The following NAALADL2 variants were observed in gnomAD, a reference collection of about 807,000 sequenced individuals.
NAALADL2 encodes inactive N-acetylated-alpha-linked acidic dipeptidase-like protein 2.
In NAALADL2, 76 loss-of-function variants were observed where a neutral mutation model predicts 87.2. That is an observed-to-expected ratio of 0.87 (90% CI 0.72 to 1.05). NAALADL2 has a LOEUF of 1.05. NAALADL2 is among the 50% of genes least tolerant of loss of function. The pLI is 0.00. For synonymous variants in NAALADL2, 354 were observed against 331.0 expected (o/e 1.07, Z -0.75); for missense variants, 1,089 against 945.8 (o/e 1.15, Z -1.99).
At chr3:175,487,879 C>T (rs1727530890) in intron 9 of NAALADL2, among the ~76,000 whole-genome samples, 1 of 152,134 alleles carries the variant, frequency 6.6e-6, no homozygotes, top group South Asian at 2.1e-4. Flanking sequence ...GCTAGAAATG[C>T]ATGTTTTTAA....
intron 3 of NAALADL2, among the ~76,000 whole-genome samples, chr3:174,797,667 A>G (rs1033522011): frequency 2.6e-5 from 4 of 152,012 alleles, no homozygotes; most frequent in African/African-American, 9.7e-5. Context: ...TGCTTAGGCA[A>G]TTTTGTTTCT....
At chr3:174,692,620 T>C (rs1263969515) in intron 2 of NAALADL2, among the ~76,000 whole-genome samples, 2 of 152,020 alleles carry the variant, frequency 1.3e-5, no homozygotes, top group African/African-American at 4.8e-5. Flanking sequence ...ATTTCTGAGA[T>C]ACTAAGGGTA....
chr3:175,744,495 A>G (rs1745662412), intron 12 of NAALADL2, among the ~76,000 whole-genome samples: 1 of 152,244 alleles, frequency 6.6e-6, no homozygotes, highest in Non-Finnish European at 1.5e-5. Flanking sequence ...TAGAAAAAAC[A>G]AGCAAAGCAA....
chr3:175,790,987 G>C (rs1209631498), intron 13 of NAALADL2, among the ~76,000 whole-genome samples: 1 of 152,162 alleles, frequency 6.6e-6, no homozygotes, highest in Non-Finnish European at 1.5e-5. Flanking sequence ...TCATGCATTA[G>C]GTTTCTGTTA....
chr3:174,462,077 A>AATATT (rs1304083668), intron 1 of NAALADL2, among the ~76,000 whole-genome samples: 1 of 109,070 alleles, frequency 9.2e-6, no homozygotes, highest in African/African-American at 3.7e-5. Flanking sequence ...TCTTATTTTT[A>AATATT]ATATTTGAAA....
chr3:175,755,376 A>G lies in NAALADL2; in HGVS notation c.2147A>G (p.Glu716Gly), dbSNP rs1401864681. 1 of 1,609,596 alleles carries G rather than the reference A, an allele frequency of 6.2e-7. No individual in the cohort carries two copies. Among genetic ancestry groups the G allele is most frequent in the Admixed American group, 1.7e-5 (1 of 59,452 alleles). Residue 716 changes from glutamate (E) to glycine (G), a missense_variant, in exon 13 of 14, where the codon GAG (glutamate) becomes GGG (glycine). Transcript: ENST00000454872. ...RMLNDILQDM[E>G]KSFLVKQAPP... ...CTGAATGACATTCTCCAAGACATGG[A>G]GAAAAGCTTTCTGGTAAAGCAGGCA... is the stretch of plus-strand genomic sequence containing the variant.
intron 2 of NAALADL2, among the ~76,000 whole-genome samples, chr3:174,564,783 T>C (rs984980988): frequency 6.6e-6 from 1 of 152,104 alleles, no homozygotes; most frequent in Non-Finnish European, 1.5e-5. Context: ...TTATATCTTG[T>C]CTGAAATGTA....
intron 3 of NAALADL2, among the ~76,000 whole-genome samples, chr3:175,256,171 AAG>A (rs1051006746): frequency 1.3e-5 from 2 of 152,126 alleles, no homozygotes; most frequent in Non-Finnish European, 2.9e-5. Flanking sequence ...AATTTTTTAG[AAG>A]AGAGAGAGAG....
In NAALADL2 at chr3:175,318,302, C is replaced by T. The variant is rs1373801332; in HGVS notation, c.940-5873C>T. On this transcript the variant is annotated intron_variant, in intron 4 of 13. Coordinates refer to ENST00000454872, the MANE Select transcript of NAALADL2 (RefSeq NM_207015.3). ...AGTGTACGTATGTATGTTCATAAAC[C>T]CTAGTAAAAGGGTCTAGACACCCCA... 5.3e-5 allele frequency among the ~76,000 whole-genome samples: 8 copies of T among 151,964 alleles called. No homozygotes were observed. In the East Asian group the frequency reaches 1.5e-3, roughly 29 times the overall value.
At chr3:175,313,185 A>T (rs1423261816) in intron 4 of NAALADL2, among the ~76,000 whole-genome samples, 4 of 152,084 alleles carry the variant, frequency 2.6e-5, no homozygotes, top group Non-Finnish European at 5.9e-5. Context: ...GGGCCCACCC[A>T]TTCGACCTCA....
At chr3:174,646,874 T>A (rs1399761477) in intron 2 of NAALADL2, among the ~76,000 whole-genome samples, 2 of 152,142 alleles carry the variant, frequency 1.3e-5, no homozygotes, top group African/African-American at 2.4e-5. Flanking sequence ...TTGATTAAAT[T>A]ATTTTAACAT....
At chr3:175,188,309 G>A (rs1258620511) in intron 2 of NAALADL2, among the ~76,000 whole-genome samples, 1 of 151,958 alleles carries the variant, frequency 6.6e-6, no homozygotes, top group Non-Finnish European at 1.5e-5. Flanking sequence ...GCTCCTCCAG[G>A]GACCCAGACT....
At chr3:175,616,984 C>G (rs965393292) in intron 10 of NAALADL2, among the ~76,000 whole-genome samples, 1 of 151,972 alleles carries the variant, frequency 6.6e-6, no homozygotes, top group Non-Finnish European at 1.5e-5. Flanking sequence ...TCTGAGTCCA[C>G]CAAAGGGAGA....
intron 5 of NAALADL2, among the ~76,000 whole-genome samples, chr3:175,417,926 A>G (rs898914017): frequency 1.3e-5 from 2 of 152,140 alleles, no homozygotes; most frequent in Non-Finnish European, 2.9e-5. Context: ...GATCTGTTTA[A>G]TGGATTGAGC....
intron 11 of NAALADL2, among the ~76,000 whole-genome samples, chr3:175,642,385 G>A (rs956196603): frequency 1.3e-5 from 2 of 152,106 alleles, no homozygotes; most frequent in Non-Finnish European, 2.9e-5. Flanking sequence ...AAGAAATAAC[G>A]GAGATTGACC....
At chr3:175,565,026 T>C (rs977027169) in intron 9 of NAALADL2, among the ~76,000 whole-genome samples, 1 of 152,212 alleles carries the variant, frequency 6.6e-6, no homozygotes, top group Non-Finnish European at 1.5e-5. Context: ...TTCTTTTACA[T>C]TGAAAAGGTA....
rs550962574 is a variant in NAALADL2, at chr3:174,599,042, C to T, written c.-115+48405C>T. Among the ~76,000 whole-genome samples, 42 of 152,032 alleles carry T rather than the reference C, an allele frequency of 2.8e-4. 1 individual carries two copies. The highest frequency in any genetic ancestry group is 4.7e-4 in the Non-Finnish European group (32 of 67,996). On this transcript the variant is annotated intron_variant, in intron 2 of 3. Transcript: ENST00000434257. ...CAAGTAATTCTACTCAGCTTGTCAG[C>T]GATGACAGCTGAGACTTTTTGCTTA... is the stretch of plus-strand genomic sequence containing the variant.
chr3:174,856,015 G>C (rs998944057), upstream of NAALADL2, among the ~76,000 whole-genome samples: 1 of 150,108 alleles, frequency 6.7e-6, no homozygotes, highest in South Asian at 2.1e-4. Context: ...AGAGAGAGAA[G>C]TAAGAGAGAG....
intron 1 of NAALADL2, among the ~76,000 whole-genome samples, chr3:174,939,957 A>T (rs1318469841): frequency 2.0e-5 from 3 of 152,116 alleles, no homozygotes; most frequent in African/African-American, 7.2e-5. Context: ...GCAAATAGAA[A>T]TAGCTTGACT....
Sources: allele counts gnomAD v4.1 joint callset (sites outside exome capture counted in the v4.1 genomes callset), GRCh38; gene constraint gnomAD v4.1.1; transcripts MANE v1.5; gene names NCBI Gene and HGNC (gene_info 2026-07-23, HGNC 2026-07-21).